Variants in USH2A observed in about 807,000 individuals in gnomAD.
USH2A encodes usherin, also known as Usher syndrome 2A (autosomal recessive, mild).
USH2A carries 443 observed loss-of-function variants against 538.9 expected under a neutral mutation model. The ratio of observed to expected loss-of-function variants is 0.82; its 90% CI spans 0.76 to 0.89. USH2A has a LOEUF of 0.89. Among genes scored for constraint, USH2A ranks in the 40% least tolerant of loss-of-function variants. USH2A has a pLI of 0.00. For synonymous variants in USH2A, 2,413 were observed against 2,273.5 expected, an observed-to-expected ratio of 1.06 and a Z score of -1.75; for missense variants, 6,633 against 6,324.8, an observed-to-expected ratio of 1.05 and a Z score of -1.65.
intron 35 of USH2A, among the ~76,000 whole-genome samples, chr1:215,982,825 T>G (rs186977574): frequency 1.3e-5 from 2 of 152,326 alleles, no homozygotes; most frequent in Admixed American, 6.5e-5. Context: ...TAAAGTTTAC[T>G]TTTTAAAAAT....
At chr1:215,802,324 T>G (rs1164013595) in intron 49 of USH2A, among the ~76,000 whole-genome samples, 1 of 152,002 alleles carries the variant, frequency 6.6e-6, no homozygotes, top group Non-Finnish European at 1.5e-5. Context: ...GTCAACAAAG[T>G]GAAAAGGCAA....
chr1:216,151,061 C>T (rs1309295730), intron 21 of USH2A, among the ~76,000 whole-genome samples: 1 of 152,156 alleles, frequency 6.6e-6, no homozygotes, highest in African/African-American at 2.4e-5. Context: ...AGGCCCTCTT[C>T]TTGTTTACTT....
chr1:215,804,592 T>C (rs1272772118), intron 49 of USH2A, among the ~76,000 whole-genome samples: 2 of 147,674 alleles, frequency 1.4e-5, no homozygotes, highest in African/African-American at 5.2e-5. Context: ...AGATACTATC[T>C]CACACCAGTT....
intron 16 of USH2A, among the ~76,000 whole-genome samples, chr1:216,202,723 C>T (rs369354653): frequency 6.6e-6 from 1 of 152,242 alleles, no homozygotes; most frequent in African/African-American, 2.4e-5. Context: ...GCTGAATATA[C>T]CTTATTTTCT....
intron 32 of USH2A, among the ~76,000 whole-genome samples, chr1:216,005,819 C>G (rs539441718): frequency 6.6e-6 from 1 of 151,878 alleles, no homozygotes; most frequent in Admixed American, 6.6e-5. Flanking sequence ...TAGTGGTAAA[C>G]CAAATGTTAA....
rs1472492116 is a variant in USH2A at position 216,418,588 on chromosome 1, C to T, written c.577G>A (p.Gly193Ser). The part of the protein sequence containing the change: ...ETMFYYRTVN[G>S]LQPPIKVMTL... ...ATTACTTTTATTGGAGGTTGCAAACCATTTACTGTGCGATAATAAAACATG... is the reference window on the plus strand; with the variant it reads ...ATTACTTTTATTGGAGGTTGCAAACTATTTACTGTGCGATAATAAAACATG... The change falls in exon 3 of 72, where the codon GGT becomes AGT. Residue 193 changes from glycine to serine, a missense_variant. Gly to Ser is a moderately conservative substitution (Grantham distance 56). Coordinates refer to ENST00000307340, the MANE Select transcript of USH2A (RefSeq NM_206933.4). 3 of 1,613,184 alleles carry T rather than the reference C, an allele frequency of 1.9e-6. No individual in the cohort carries two copies. The highest frequency in any genetic ancestry group is 2.5e-6 in the Non-Finnish European group (3 of 1,179,576).
At chr1:216,133,629 G>A (rs2033423290) in intron 21 of USH2A, among the ~76,000 whole-genome samples, 1 of 152,198 alleles carries the variant, frequency 6.6e-6, no homozygotes, top group Non-Finnish European at 1.5e-5. Flanking sequence ...ACATGGAAAT[G>A]TAAGGCCATA....
intron 9 of USH2A, among the ~76,000 whole-genome samples, chr1:216,308,152 G>T (rs1309854195): frequency 6.6e-6 from 1 of 152,180 alleles, no homozygotes; most frequent in African/African-American, 2.4e-5. Flanking sequence ...TTATATAAGT[G>T]TATACAGTGT....
intron 37 of USH2A, among the ~76,000 whole-genome samples, chr1:215,935,774 G>A (rs1309984513): frequency 6.6e-6 from 1 of 151,908 alleles, no homozygotes; most frequent in African/African-American, 2.4e-5. Context: ...CTTAATGTTT[G>A]TCACTTTTAG....
chr1:215,911,647 G>A (rs530000053), intron 38 of USH2A, among the ~76,000 whole-genome samples: 222 of 152,150 alleles, frequency 1.5e-3, no homozygotes, highest in Non-Finnish European at 2.7e-3. Flanking sequence ...CTTGGCTATT[G>A]TAAACAGTGC....
intron 69 of USH2A, among the ~76,000 whole-genome samples, chr1:215,636,265 C>A (rs1656481100): frequency 6.6e-6 from 1 of 152,144 alleles, no homozygotes; most frequent in South Asian, 2.1e-4. Flanking sequence ...GAAAAAAGTT[C>A]AGAACTGGGG....
At chr1:216,233,966 G>C (rs1454784206) in intron 13 of USH2A, among the ~76,000 whole-genome samples, 1 of 152,106 alleles carries the variant, frequency 6.6e-6, no homozygotes, top group South Asian at 2.1e-4. Flanking sequence ...TGAAACAATG[G>C]GGTAGAAGGA....
intron 66 of USH2A, among the ~76,000 whole-genome samples, chr1:215,648,097 G>A (rs1656918992): frequency 6.6e-6 from 1 of 152,096 alleles, no homozygotes; most frequent in African/African-American, 2.4e-5. Flanking sequence ...TGAGTCAAGT[G>A]TCTTCTTTTT....
At chr1:216,411,415 T>TACTACCCTTA (rs1401141984) in intron 3 of USH2A, among the ~76,000 whole-genome samples, 1 of 152,100 alleles carries the variant, frequency 6.6e-6, no homozygotes, top group Non-Finnish European at 1.5e-5. Context: ...GGGTAGTGTC[T>TACTACCCTTA]TTTTGGATGT....
At chr1:216,414,182 T>C (rs935930003) in intron 3 of USH2A, among the ~76,000 whole-genome samples, 1 of 152,136 alleles carries the variant, frequency 6.6e-6, no homozygotes, top group Admixed American at 6.6e-5. Flanking sequence ...AAACTATGAA[T>C]TGATTTTTTC....
Position 215,888,455 on chromosome 1 carries a change from C to G in USH2A, c.8194G>C (p.Val2732Leu). 1 of 1,613,624 alleles carries G rather than the reference C, an allele frequency of 6.2e-7. No homozygotes were observed. ...SRPAGVQPPV[V>L]TVLEPDAVQV... The stretch of plus-strand genomic sequence containing the variant: ...ACTGCATCGGGTTCCAGCACTGTCA[C>G]CACAGGTGGCTGCACCCCAGCAGGT... The change falls in exon 41 of 72, where the codon GTG (valine) becomes CTG (leucine). Residue 2732 changes from valine to leucine, a missense_variant. Physicochemically the swap from Val to Leu is conservative, Grantham distance 32. Transcript: ENST00000307340.
At chr1:216,047,211 A>G (rs2030558435) in intron 31 of USH2A, among the ~76,000 whole-genome samples, 1 of 152,148 alleles carries the variant, frequency 6.6e-6, no homozygotes, top group South Asian at 2.1e-4. Context: ...AAGTTTGGGA[A>G]TGTCTTTAAA....
intron 3 of USH2A, among the ~76,000 whole-genome samples, chr1:216,390,844 T>C (rs986835348): frequency 3.2e-4 from 48 of 152,204 alleles, no homozygotes; most frequent in Admixed American, 9.8e-4. Context: ...TAAGACTCCT[T>C]AAAATTAATC....
At chr1:215,723,309 T>G (rs1312793950) in intron 61 of USH2A, among the ~76,000 whole-genome samples, 1 of 152,198 alleles carries the variant, frequency 6.6e-6, no homozygotes, top group African/African-American at 2.4e-5. Context: ...CTGCCGCTGC[T>G]GCTGTTCCTG....
Sources: gnomAD v4.1 joint callset for allele counts (sites outside exome capture counted in the v4.1 genomes callset) on GRCh38, gnomAD v4.1.1 for gene constraint, MANE v1.5 for transcripts, NCBI Gene and HGNC (gene_info 2026-07-23, HGNC 2026-07-21) for gene names.